The following ST3GAL4 variants were observed in gnomAD, a reference collection of about 807,000 sequenced individuals.
The protein encoded by ST3GAL4 is CMP-N-acetylneuraminate-beta-galactosamide-alpha-2,3-sialyltransferase 4.
In ST3GAL4, 24 loss-of-function variants were observed where a neutral mutation model predicts 42.6. The ratio of observed to expected loss-of-function variants is 0.56; its 90% CI spans 0.41 to 0.79. ST3GAL4 has a LOEUF of 0.79. Among genes scored for constraint, ST3GAL4 ranks in the 30% least tolerant of loss-of-function variants. The pLI is 0.00. For missense variants in ST3GAL4, 311 were observed against 430.8 expected (o/e 0.72, Z 2.46); for synonymous variants, 135 against 163.2 (o/e 0.83, Z 1.32).
At chr11:126,408,539 G>A in intron 8 of ST3GAL4, 43 bp downstream of exon 8, 1 of 1,605,298 alleles carries the variant, frequency 6.2e-7, no homozygotes, top group Non-Finnish European at 8.5e-7. Flanking sequence ...TGGCGGTGGG[G>A]ACGCTGCCCG....
Position 126,379,027 on chromosome 11 carries a change from A to T in ST3GAL4, c.-61+23185A>T. ...ATGACATCAATCGTAGTTGTAGGCC[A>T]TCCCTTTGCCTCTGTTGCTTCTTCC... On this transcript the variant is annotated intron_variant, in intron 1 of 10. Coordinates refer to ENST00000444328, the MANE Select transcript of ST3GAL4 (RefSeq NM_001254757.2). This position sits in a 1 kb window ranked among gnomAD's most constrained non-coding sequence, Gnocchi z 4.2. Among the ~76,000 whole-genome samples the T allele has an allele frequency of 6.6e-6, 1 of 152,214 alleles. No homozygotes were observed. The highest frequency in any genetic ancestry group is 1.9e-4 in the East Asian group (1 of 5,196).
At position 126,400,812 on chromosome 11, in the gene ST3GAL4, T is replaced by C. The variant is rs2135519489; in HGVS notation, c.-60-5284T>C. On this transcript the variant is annotated intron_variant, in intron 1 of 10. Coordinates refer to ENST00000444328, the MANE Select transcript of ST3GAL4 (RefSeq NM_001254757.2). The surrounding 1 kb of genome is among the most constrained non-coding windows in gnomAD (Gnocchi z 4.6). Reference sequence around the variant, plus strand: ...GAAGAGGAGCTGGAGGGCTGCACTGTGAAGTATTTCTCAGAGTCTAGACAA... The same window carrying C: ...GAAGAGGAGCTGGAGGGCTGCACTGCGAAGTATTTCTCAGAGTCTAGACAA... Among the ~76,000 whole-genome samples the C allele has an allele frequency of 6.6e-6, 1 of 152,306 alleles. No homozygotes were observed. Among genetic ancestry groups the C allele is most frequent in the South Asian group, 2.1e-4 (1 of 4,826 alleles).
rs765843677 is a variant in ST3GAL4 at position 126,363,220 on chromosome 11, G to A, written c.-61+7378G>A. 1.6e-4 allele frequency among the ~76,000 whole-genome samples: 24 copies of A among 152,288 alleles called. No individual in the cohort carries two copies. The highest frequency in any genetic ancestry group is 3.4e-3 in the Middle Eastern group (1 of 294). ...TCTCCTTCCTGTCCCTGTTTGAGCC[G>A]TGCTCTTCTTCTTCAATCCCTTTCT... On this transcript the variant is annotated intron_variant, in intron 1 of 10. Coordinates refer to ENST00000444328, the MANE Select transcript of ST3GAL4 (RefSeq NM_001254757.2). The surrounding 1 kb of genome is among the most constrained non-coding windows in gnomAD (Gnocchi z 4.6).
rs1264354975 is a variant in ST3GAL4 at position 126,397,919 on chromosome 11, C to A, written c.-60-8177C>A. ...GCCCTCATGGCCTACTCTTATGAGA[C>A]CCCACCTCACAACATTGTTAACATT... On this transcript the variant is annotated intron_variant, in intron 1 of 10. Transcript: ENST00000444328. This position sits in a 1 kb window ranked among gnomAD's most constrained non-coding sequence, Gnocchi z 5.0. Among the ~76,000 whole-genome samples, 2 of 149,162 alleles carry A rather than the reference C, an allele frequency of 1.3e-5. No individual in the cohort carries two copies. The highest frequency in any genetic ancestry group is 6.8e-5 in the Admixed American group (1 of 14,638).
intron 6 of ST3GAL4, 140 bp from the exon 7 acceptor site, chr11:126,407,959 C>G: frequency 1.0e-6 from 1 of 964,908 alleles, no homozygotes; most frequent in Non-Finnish European, 1.5e-6. Flanking sequence ...TAAGCAGGAC[C>G]ACGGGGTGAT....
At chr11:126,382,837 C>T (rs191429719) in intron 1 of ST3GAL4, among the ~76,000 whole-genome samples, 122 of 152,326 alleles carry the variant, frequency 8.0e-4, no homozygotes, top group Middle Eastern at 6.8e-3. Context: ...CTCATCACCC[C>T]CCCAGTTATG....
chr11:126,405,773 G>C (rs928334454), intron 1 of ST3GAL4: 6 of 319,274 alleles, frequency 1.9e-5, no homozygotes, highest in Non-Finnish European at 2.9e-5. Context: ...CCCTTCCTGG[G>C]TCAAAATGCA....
chr11:126,407,307 A>G lies in ST3GAL4; in HGVS notation c.238A>G (p.Thr80Ala). ...GCTTGAGGATTATTTCTGGGTCAAG[A>G]CGCCATCTGCTTACGAGCTGCCCTA... Reference protein sequence around the residue: ...LRLEDYFWVKTPSAYELPYGT... With the variant: ...LRLEDYFWVKAPSAYELPYGT... The change falls in exon 5 of 11, where the codon ACG becomes GCG. Residue 80 changes from threonine (T) to alanine (A), a missense_variant. Physicochemically the swap from Thr to Ala is moderately conservative, Grantham distance 58. Coordinates refer to ENST00000444328, the MANE Select transcript of ST3GAL4 (RefSeq NM_001254757.2). The G allele has an allele frequency of 6.2e-7, 1 of 1,614,156 alleles. No individual in the cohort carries two copies. The highest frequency in any genetic ancestry group is 8.5e-7 in the Non-Finnish European group (1 of 1,180,024).
Position 126,406,607 on chromosome 11 carries a change from T to C in ST3GAL4, c.101+50T>C, listed in dbSNP as rs369541840. 3.5e-3 allele frequency: 5,570 copies of C among 1,613,338 alleles called. 22 individuals carry two copies. Among genetic ancestry groups the C allele is most frequent in the Non-Finnish European group, 4.3e-3 (5,121 of 1,179,660 alleles). On this transcript the variant is annotated intron_variant, in intron 3 of 10. Transcript: ENST00000444328. The surrounding 1 kb of genome is among the most constrained non-coding windows in gnomAD (Gnocchi z 5.4). Reference sequence around the variant, plus strand: ...CAGTGGCTCTTGTCAGGGACAGGGCTTAGGGATGGAGCATCATGGAGCGGG... The same window carrying C: ...CAGTGGCTCTTGTCAGGGACAGGGCCTAGGGATGGAGCATCATGGAGCGGG...
chr11:126,371,163 C>CCTTTTTTT (rs1952626552), intron 1 of ST3GAL4, among the ~76,000 whole-genome samples: 1 of 59,974 alleles, frequency 1.7e-5, no homozygotes, highest in African/African-American at 7.1e-5. Context: ...CCCCACATTC[C>CCTTTTTTT]TTTTTTTTTT....
At chr11:126,390,446 T>C (rs894239764) in intron 1 of ST3GAL4, among the ~76,000 whole-genome samples, 2 of 152,074 alleles carry the variant, frequency 1.3e-5, no homozygotes, top group Non-Finnish European at 2.9e-5. Context: ...CCTCACTAGA[T>C]ACTGTGAAGT....
In ST3GAL4 at chr11:126,397,159, C is replaced by T. The variant is rs1210482093; in HGVS notation, c.-60-8937C>T. Reference sequence around the variant, plus strand: ...TCAGTTGTTAGTGGAACATGCAATACATCTTTATTCACATGTTATTACTTA... The same window carrying T: ...TCAGTTGTTAGTGGAACATGCAATATATCTTTATTCACATGTTATTACTTA... On this transcript the variant is annotated intron_variant, in intron 1 of 10. Coordinates refer to ENST00000444328, the MANE Select transcript of ST3GAL4 (RefSeq NM_001254757.2). This position sits in a 1 kb window ranked among gnomAD's most constrained non-coding sequence, Gnocchi z 5.0. 3.9e-5 allele frequency among the ~76,000 whole-genome samples: 6 copies of T among 152,086 alleles called. No homozygotes were observed. The highest frequency in any genetic ancestry group is 3.9e-4 in the Admixed American group (6 of 15,272).
At position 126,396,031 on chromosome 11, in the gene ST3GAL4, T is replaced by A. The variant is rs1953739249; in HGVS notation, c.-60-10065T>A. ...GAGGAGGAGTTTTACAGATGACCGGTCTGTTCTTGGCACTTGCAATTAGCG... is the reference window on the plus strand; with the variant it reads ...GAGGAGGAGTTTTACAGATGACCGGACTGTTCTTGGCACTTGCAATTAGCG... On this transcript the variant is annotated intron_variant, in intron 1 of 10. Coordinates refer to ENST00000444328, the MANE Select transcript of ST3GAL4 (RefSeq NM_001254757.2). The surrounding 1 kb of genome is among the most constrained non-coding windows in gnomAD (Gnocchi z 5.8). Among the ~76,000 whole-genome samples the A allele has an allele frequency of 6.6e-6, 1 of 151,982 alleles. No homozygotes were observed. The highest frequency in any genetic ancestry group is 1.9e-4 in the East Asian group (1 of 5,184).
chr11:126,403,083 GAGGTAGC>G (rs1280860920), intron 1 of ST3GAL4: 1 of 152,364 alleles, frequency 6.6e-6, no homozygotes, highest in Admixed American at 6.5e-5. Context: ...ATGTTGTCTT[GAGGTAGC>G]AGCCAGCCCC....
Position 126,386,336 on chromosome 11 carries a change from G to T in ST3GAL4, c.-60-19760G>T, listed in dbSNP as rs564069411. On this transcript the variant is annotated intron_variant, in intron 1 of 10. Coordinates refer to ENST00000444328, the MANE Select transcript of ST3GAL4 (RefSeq NM_001254757.2). The surrounding 1 kb of genome is among the most constrained non-coding windows in gnomAD (Gnocchi z 4.7). ...CAGCATGTCACCCTGTTTCTGTCCT[G>T]CCACAGTGCTCGAGTCAGTGCCCTC... 6.6e-6 allele frequency among the ~76,000 whole-genome samples: 1 copy of T among 152,162 alleles called. No homozygotes were observed. Among genetic ancestry groups the T allele is most frequent in the Non-Finnish European group, 1.5e-5 (1 of 68,010 alleles).
In ST3GAL4 at chr11:126,358,206, C is replaced by T. The variant is rs951134234; in HGVS notation, c.-61+2364C>T. On this transcript the variant is annotated intron_variant, in intron 1 of 10. Coordinates refer to ENST00000444328, the MANE Select transcript of ST3GAL4 (RefSeq NM_001254757.2). ...GCTTCCTGCCCCCTCAGTTCAGTCG[C>T]ACTGGGCCGGCTGGACGTTTCCCTG... 5.9e-5 allele frequency among the ~76,000 whole-genome samples: 9 copies of T among 152,254 alleles called. 1 individual carries two copies. Among genetic ancestry groups the T allele is most frequent in the Non-Finnish European group, 8.8e-5 (6 of 68,042 alleles).
chr11:126,380,441 T>A (rs936232533), intron 1 of ST3GAL4, among the ~76,000 whole-genome samples: 2 of 152,220 alleles, frequency 1.3e-5, no homozygotes, highest in African/African-American at 2.4e-5. Context: ...AGTTCTGTTA[T>A]GAAAGGCACA....
In ST3GAL4 at chr11:126,391,949, GTGTGTGTGTGTGTGTGTGTGTGTA is replaced by G. The variant is rs1031269111; in HGVS notation, c.-60-14137_-60-14114del. Among the ~76,000 whole-genome samples the G allele has an allele frequency of 1.5e-5, 2 of 135,952 alleles. No individual in the cohort carries two copies. Among genetic ancestry groups the G allele is most frequent in the African/African-American group, 2.9e-5 (1 of 34,452 alleles). 89.2% of individuals were successfully genotyped at this position (135,952 alleles called of 152,430 possible). A position where few individuals can be genotyped will look rare whatever the true frequency, so the allele number is the denominator to read the frequency against. ...TGATAACTTGGTCGTGTGTGTGTGT[GTGTGTGTGTGTGTGTGTGTGTGTA>G]TGTGTGTGTATGTGTATATATAAAA... On this transcript the variant is annotated intron_variant, in intron 1 of 10. Coordinates refer to ENST00000444328, the MANE Select transcript of ST3GAL4 (RefSeq NM_001254757.2). This position sits in a 1 kb window ranked among gnomAD's most constrained non-coding sequence, Gnocchi z 5.5.
chr11:126,364,335 G>C (rs1952355430), intron 1 of ST3GAL4, among the ~76,000 whole-genome samples: 2 of 149,184 alleles, frequency 1.3e-5, no homozygotes, highest in Non-Finnish European at 3.0e-5. Context: ...GAGAGGGCAG[G>C]AGACGAGGGC....
Sources: gnomAD v4.1 joint callset for allele counts (sites outside exome capture counted in the v4.1 genomes callset) on GRCh38, gnomAD v4.1.1 for gene constraint, Gnocchi (gnomAD v3.1) non-coding constraint, MANE v1.5 for transcripts, NCBI Gene and HGNC (gene_info 2026-07-23, HGNC 2026-07-21) for gene names.